The following CENPA variants were observed in gnomAD, a reference collection of about 807,000 sequenced individuals.
CENPA encodes the protein centromere protein A, also known as histone H3-like centromeric protein A.
CENPA carries 7 observed loss-of-function variants against 17.2 expected under a neutral mutation model. That is an observed-to-expected ratio of 0.41 (90% CI 0.23 to 0.76). CENPA has a LOEUF of 0.76. Ranked by LOEUF, CENPA falls within the 30% of genes least tolerant of loss-of-function variation. The pLI, the probability that CENPA is intolerant of heterozygous loss-of-function variation, is 0.34. For synonymous variants in CENPA, 82 were observed against 77.4 expected, an observed-to-expected ratio of 1.06 and a Z score of -0.31; for missense variants, 149 against 193.1, an observed-to-expected ratio of 0.77 and a Z score of 1.35.
At chr2:26,790,986 G>A (rs891022264) in intron 1 of CENPA, among the ~76,000 whole-genome samples, 26 of 152,158 alleles carry the variant, frequency 1.7e-4, no homozygotes, top group Admixed American at 8.5e-4. Flanking sequence ...AATTTTATCC[G>A]TCAACATGTT....
intron 1 of CENPA, among the ~76,000 whole-genome samples, chr2:26,789,498 G>T (rs1317351022): frequency 1.3e-5 from 2 of 151,850 alleles, no homozygotes; most frequent in African/African-American, 2.4e-5. Context: ...TACATTGACA[G>T]CTCTCAAATA....
intron 2 of CENPA, 33 bp downstream of exon 2, chr2:26,792,273 G>GC (rs35344721): frequency 0.32 from 495,038 of 1,533,010 alleles, 82,969 homozygotes; most frequent in Non-Finnish European, 0.34. Context: ...CAACCCCTAT[G>GC]CCACCCTCCT....
chr2:26,793,208 C>A lies in CENPA; in HGVS notation c.352C>A (p.Arg118=). ...CTATCTCCTCACCTTACATGCAGGC[C>A]GAGTTACTCTCTTCCCAAAGGATGT... is the stretch of plus-strand genomic sequence containing the variant. ...DAYLLTLHAG[R]VTLFPKDVQL... is the part of the protein sequence containing the mutation. Residue 118 remains arginine (R), a synonymous_variant, in exon 4 of 5, where the codon CGA becomes AGA. Coordinates refer to ENST00000335756, the MANE Select transcript of CENPA (RefSeq NM_001809.4). 1 of 1,614,138 alleles carries A rather than the reference C, an allele frequency of 6.2e-7. No homozygotes were observed. The highest frequency in any genetic ancestry group is 8.5e-7 in the Non-Finnish European group (1 of 1,180,018).
At position 26,786,252 on chromosome 2, in the gene CENPA, G is replaced by T; in HGVS notation, c.56G>T (p.Ser19Ile). The T allele has an allele frequency of 7.3e-7, 1 of 1,375,942 alleles. No individual in the cohort carries two copies. The highest frequency in any genetic ancestry group is 9.3e-7 in the Non-Finnish European group (1 of 1,071,980). 85.2% of individuals were successfully genotyped at this position (1,375,942 alleles called of 1,614,324 possible). ...GAGGCCCCGAGGAGGCGCAGCCCGA[G>T]CCCGACCCCGACCCCCGGCCCCTCC... is the stretch of plus-strand genomic sequence containing the variant. ...KPEAPRRRSP[S>I]PTPTPGPSRR... The change falls in exon 1 of 5, where the codon AGC becomes ATC. Residue 19 changes from serine to isoleucine, a missense_variant. By Grantham distance (142) the Ser-to-Ile change is moderately radical (BLOSUM62 -2). Around this residue, in one of 2 missense-constraint regions of CENPA, gnomAD observed 95 missense variants for 87.5 expected, o/e 1.09. Coordinates refer to ENST00000335756, the MANE Select transcript of CENPA (RefSeq NM_001809.4).
At chr2:26,792,466 T>C (rs777539617) in intron 2 of CENPA, 4 of 711,254 alleles carry the variant, frequency 5.6e-6, no homozygotes, top group Middle Eastern at 2.3e-4. Context: ...AGTTTTTGAC[T>C]GTATAAATAG....
In CENPA at chr2:26,786,170, G is replaced by T; in HGVS notation, c.-27G>T. The stretch of plus-strand genomic sequence containing the variant: ...CAGCCCGAGCAGGAGCCGTGGGACC[G>T]GGCGCCAGCACCCTCTGCGGCGTGT... On this transcript the variant is annotated 5_prime_UTR_variant, in exon 1 of 5. Coordinates refer to ENST00000335756, the MANE Select transcript of CENPA (RefSeq NM_001809.4). The T allele has an allele frequency of 1.4e-6, 2 of 1,420,360 alleles. No homozygotes were observed. The highest frequency in any genetic ancestry group is 1.8e-6 in the Non-Finnish European group (2 of 1,093,804). The allele number at this position is 1,420,360 out of a possible 1,614,324, so 88.0% of individuals were successfully genotyped here. A position where few individuals can be genotyped will look rare whatever the true frequency, so the allele number is the denominator to read the frequency against.
At chr2:26,787,675 C>T (rs758570681) in intron 1 of CENPA, among the ~76,000 whole-genome samples, 2 of 152,094 alleles carry the variant, frequency 1.3e-5, no homozygotes, top group Non-Finnish European at 2.9e-5. Context: ...GCCACCATGC[C>T]GGCTAATTTT....
chr2:26,786,237 G>C lies in CENPA; in HGVS notation c.41G>C (p.Arg14Thr), dbSNP rs956962269. The change falls in exon 1 of 5, where the codon AGG becomes ACG. Residue 14 changes from arginine (R) to threonine (T), a missense_variant. Coordinates refer to ENST00000335756, the MANE Select transcript of CENPA (RefSeq NM_001809.4). The stretch of plus-strand genomic sequence containing the variant: ...CGGAGCCGAAAGCCCGAGGCCCCGA[G>C]GAGGCGCAGCCCGAGCCCGACCCCG... ...RRRSRKPEAP[R>T]RRSPSPTPTP... The C allele has an allele frequency of 7.0e-6, 10 of 1,427,528 alleles. No individual in the cohort carries two copies. The Admixed American group carries it at 2.6e-4, about 37-fold the overall frequency. 88.4% of individuals were successfully genotyped at this position (1,427,528 alleles called of 1,614,324 possible). A position where few individuals can be genotyped will look rare whatever the true frequency, so the allele number is the denominator to read the frequency against.
At chr2:26,793,437 G>A in intron 4 of CENPA, 111 bp downstream of exon 4, 4 of 853,436 alleles carry the variant, frequency 4.7e-6, no homozygotes, top group East Asian at 2.8e-5. Flanking sequence ...AGTAAAGGTT[G>A]ATCTAGTTTT....
rs1222428060 is a variant in CENPA, at chr2:26,792,795, T to C, written c.250T>C (p.Phe84Leu). The change falls in exon 3 of 5, where the codon TTC (phenylalanine) becomes CTC (leucine). Residue 84 changes from phenylalanine (F) to leucine (L), a missense_variant. By Grantham distance (22) the Phe-to-Leu change is conservative (BLOSUM62 0). This residue lies in a region of CENPA where 54 missense variants were observed against 105.7 expected (regional missense o/e 0.51). Coordinates refer to ENST00000335756, the MANE Select transcript of CENPA (RefSeq NM_001809.4). ...TGTTAAATTCACTCGTGGTGTGGAC[T>C]TCAATTGGCAAGCCCAGGCCCTATT... ...ICVKFTRGVD[F>L]NWQAQALLAL... 8 of 1,614,076 alleles carry C rather than the reference T, an allele frequency of 5.0e-6. No homozygotes were observed. In the East Asian group the frequency reaches 1.8e-4, roughly 36 times the overall value.
At chr2:26,791,278 T>C (rs1664610169) in intron 1 of CENPA, among the ~76,000 whole-genome samples, 1 of 152,230 alleles carries the variant, frequency 6.6e-6, no homozygotes, top group Non-Finnish European at 1.5e-5. Context: ...TCATAAGTTT[T>C]GGGATATGGG....
chr2:26,791,463 T>C (rs1201925716), intron 1 of CENPA, among the ~76,000 whole-genome samples: 2 of 152,252 alleles, frequency 1.3e-5, no homozygotes, highest in Non-Finnish European at 2.9e-5. Flanking sequence ...TCTTTTTTGT[T>C]CTTGTTGGAA....
Position 26,792,307 on chromosome 2 carries a change from A to G in CENPA, c.210+67A>G, listed in dbSNP as rs111376909. ...CTTTTTTTAAATTTTCCCAGGTATT[A>G]GGGACCCTACTGTCTCTTAACTAAC... On this transcript the variant is annotated intron_variant, in intron 2 of 4. Transcript: ENST00000335756. The G allele has an allele frequency of 2.7e-3, 3,409 of 1,255,036 alleles. 7 individuals are homozygous for G. Among genetic ancestry groups the G allele is most frequent in the Non-Finnish European group, 3.5e-3 (3,093 of 880,730 alleles). The allele number at this position is 1,255,036 out of a possible 1,614,324, so 77.7% of individuals were successfully genotyped here.
chr2:26,786,559 C>T (rs564259602), intron 1 of CENPA, among the ~76,000 whole-genome samples: 2 of 152,336 alleles, frequency 1.3e-5, no homozygotes, highest in South Asian at 4.1e-4. Flanking sequence ...GCGCCCACCG[C>T]CCACCGCCAA....
intron 1 of CENPA, among the ~76,000 whole-genome samples, chr2:26,786,637 A>G (rs938707641): frequency 6.6e-6 from 1 of 152,260 alleles, no homozygotes; most frequent in African/African-American, 2.4e-5. Context: ...ACAGCTAATG[A>G]GAAAGCCGAG....
Position 26,793,183 on chromosome 2 carries a change from C to T in CENPA, c.327C>T (p.Ala109=), listed in dbSNP as rs1252985221. Residue 109 remains alanine (A), a synonymous_variant, in exon 4 of 5, where the codon GCC becomes GCT. Transcript: ENST00000335756. ...EAFLVHLFED[A]YLLTLHAGRV... is the part of the protein sequence containing the mutation. ...TTCTAGTTCATCTCTTTGAGGACGC[C>T]TATCTCCTCACCTTACATGCAGGCC... is the stretch of plus-strand genomic sequence containing the variant. The T allele has an allele frequency of 6.2e-7, 1 of 1,614,048 alleles. No individual in the cohort carries two copies. Among genetic ancestry groups the T allele is most frequent in the Admixed American group, 1.7e-5 (1 of 60,006 alleles).
rs756983399 is a variant in CENPA, at chr2:26,793,116, T to C, written c.289-29T>C. 2.5e-6 allele frequency: 4 copies of C among 1,613,004 alleles called. No individual in the cohort carries two copies. In the East Asian group the frequency reaches 8.9e-5, roughly 36 times the overall value. On this transcript the variant is annotated intron_variant, in intron 3 of 4. Transcript: ENST00000335756. ...AAAGCAGCCCGTGGCCCTTCATCTGTGTCCGTCTTTTTCTCTTTCTGTCTC... is the reference window on the plus strand; with the variant it reads ...AAAGCAGCCCGTGGCCCTTCATCTGCGTCCGTCTTTTTCTCTTTCTGTCTC...
chr2:26,791,789 A>G (rs915661186), intron 1 of CENPA, among the ~76,000 whole-genome samples: 3 of 152,238 alleles, frequency 2.0e-5, no homozygotes, highest in Non-Finnish European at 4.4e-5. Context: ...GTTTGGAAGG[A>G]TCAGGATTCG....
intron 1 of CENPA, among the ~76,000 whole-genome samples, chr2:26,790,570 C>T (rs1664596692): frequency 6.6e-6 from 1 of 152,226 alleles, no homozygotes; most frequent in African/African-American, 2.4e-5. Flanking sequence ...AGGTGATTGA[C>T]CCACCTTGGC....
Sources: allele counts gnomAD v4.1 joint callset (sites outside exome capture counted in the v4.1 genomes callset), GRCh38; gene constraint gnomAD v4.1.1; regional missense constraint gnomAD v4.1.1; transcripts MANE v1.5; gene names NCBI Gene and HGNC (gene_info 2026-07-23, HGNC 2026-07-21).